Variants in ZCCHC7 observed in about 807,000 individuals in gnomAD.
ZCCHC7 encodes zinc finger CCHC domain-containing protein 7.
Under a neutral mutation model 52.0 loss-of-function variants are expected in ZCCHC7, and 35 were observed. The observed-to-expected ratio is 0.67, with a 90% CI of 0.51 to 0.89. The LOEUF (loss-of-function observed/expected upper bound fraction) is 0.89. Among genes scored for constraint, ZCCHC7 ranks in the 40% least tolerant of loss-of-function variants. The pLI is 0.00. For missense variants in ZCCHC7, 574 were observed against 649.1 expected, an observed-to-expected ratio of 0.88 and a Z score of 1.26; for synonymous variants, 217 against 221.5, an observed-to-expected ratio of 0.98 and a Z score of 0.18.
intron 2 of ZCCHC7, among the ~76,000 whole-genome samples, chr9:37,270,246 G>C (rs1827338447): frequency 6.6e-6 from 1 of 152,044 alleles, no homozygotes; most frequent in African/African-American, 2.4e-5. Context: ...CATTTCTGTT[G>C]GGCAGTGCTG....
intron 6 of ZCCHC7, among the ~76,000 whole-genome samples, chr9:37,337,166 T>C (rs1017676847): frequency 3.9e-5 from 6 of 152,286 alleles, no homozygotes; most frequent in Middle Eastern, 3.4e-3. Context: ...TACTATAATC[T>C]TAAACATAAA....
At chr9:37,206,690 T>G (rs930135734) in intron 2 of ZCCHC7, among the ~76,000 whole-genome samples, 2 of 152,118 alleles carry the variant, frequency 1.3e-5, no homozygotes, top group African/African-American at 4.8e-5. Flanking sequence ...TATTTTTCTC[T>G]GGAAATTGCA....
intron 2 of ZCCHC7, among the ~76,000 whole-genome samples, chr9:37,261,104 G>A (rs1199822613): frequency 1.3e-5 from 2 of 152,122 alleles, no homozygotes; most frequent in Admixed American, 6.5e-5. Flanking sequence ...TTTGGTGGTT[G>A]TTGATACCAT....
At chr9:37,327,690 T>G in intron 5 of ZCCHC7, 109 bp from the exon 6 acceptor site, 1 of 1,189,524 alleles carries the variant, frequency 8.4e-7, no homozygotes, top group East Asian at 2.4e-5. Flanking sequence ...CTGTTAAGCT[T>G]CTTATTTTCC....
chr9:37,327,785 T>C lies in ZCCHC7; in HGVS notation c.952-14T>C. The C allele has an allele frequency of 6.2e-7, 1 of 1,612,934 alleles. No homozygotes were observed. ...GTTTCATGCTCCCAGCTGATCAATA[T>C]TTTTATTTTCCAGGCTTGCACAGAA... On this transcript the variant is annotated splice_polypyrimidine_tract_variant and intron_variant, in intron 5 of 8. Transcript: ENST00000336755.
intron 2 of ZCCHC7, among the ~76,000 whole-genome samples, chr9:37,267,504 C>CA: frequency 6.6e-6 from 1 of 151,670 alleles, no homozygotes; most frequent in African/African-American, 2.4e-5. Flanking sequence ...CTCCCAAGCT[C>CA]AAGTGATCCT....
chr9:37,222,300 C>T (rs1824857455), intron 2 of ZCCHC7, among the ~76,000 whole-genome samples: 1 of 145,820 alleles, frequency 6.9e-6, no homozygotes, highest in Non-Finnish European at 1.5e-5. Flanking sequence ...ATAGAACAGG[C>T]CAAGGGATAA....
Position 37,244,853 on chromosome 9 carries a change from C to T in ZCCHC7, c.611-57335C>T, listed in dbSNP as rs547037857. On this transcript the variant is annotated intron_variant, in intron 2 of 8. Transcript: ENST00000336755. ...GAAGAATGGTGGAGAGCATTTGTTC[C>T]ATTGAATAATTTATAATAGCTAATT... Among the ~76,000 whole-genome samples, 7 of 151,792 alleles carry T rather than the reference C, an allele frequency of 4.6e-5. No homozygotes were observed. The South Asian group carries it at 1.5e-3, about 31-fold the overall frequency.
chr9:37,354,876 CTTTG>C lies in ZCCHC7; in HGVS notation c.1198+58_1198+61del, dbSNP rs775350155. On this transcript the variant is annotated intron_variant, in intron 8 of 8. Coordinates refer to ENST00000336755, the MANE Select transcript of ZCCHC7 (RefSeq NM_032226.3). This position sits in a 1 kb window ranked among gnomAD's most constrained non-coding sequence, Gnocchi z 4.0. The stretch of plus-strand genomic sequence containing the variant: ...CACATTTGCAGTAGTTTCTAAATTT[CTTTG>C]TTTGTACTGTCTTTGCCTGCTTTGG... The C allele has an allele frequency of 2.6e-5, 33 of 1,277,782 alleles. No homozygotes were observed. The highest frequency in any genetic ancestry group is 5.9e-5 in the African/African-American group (4 of 68,080). 79.2% of individuals were successfully genotyped at this position (1,277,782 alleles called of 1,614,324 possible).
At chr9:37,205,627 C>T (rs1022187734) in intron 2 of ZCCHC7, among the ~76,000 whole-genome samples, 1 of 152,232 alleles carries the variant, frequency 6.6e-6, no homozygotes, top group Non-Finnish European at 1.5e-5. Context: ...AGCAATTCTC[C>T]TGCCTCAGCC....
intron 2 of ZCCHC7, among the ~76,000 whole-genome samples, chr9:37,239,824 C>A (rs560233227): frequency 6.6e-6 from 1 of 152,022 alleles, no homozygotes; most frequent in African/African-American, 2.4e-5. Context: ...CTGTGCTTTA[C>A]CTGTATGTTT....
At chr9:37,181,442 A>G (rs924036771) in intron 2 of ZCCHC7, among the ~76,000 whole-genome samples, 1 of 152,222 alleles carries the variant, frequency 6.6e-6, no homozygotes, top group Non-Finnish European at 1.5e-5. Context: ...AGCATTATTC[A>G]TAATAACCAA....
chr9:37,343,556 G>C (rs1479143652), intron 6 of ZCCHC7, among the ~76,000 whole-genome samples: 1 of 152,176 alleles, frequency 6.6e-6, no homozygotes, highest in Non-Finnish European at 1.5e-5. Flanking sequence ...TAAATCATGA[G>C]AACTACCTGT....
intron 2 of ZCCHC7, among the ~76,000 whole-genome samples, chr9:37,137,929 T>G (rs1167936459): frequency 6.6e-6 from 1 of 152,196 alleles, no homozygotes; most frequent in Non-Finnish European, 1.5e-5. Flanking sequence ...AAGAGTGTAT[T>G]GCCATGTGAC....
chr9:37,197,819 T>C (rs957589499), intron 2 of ZCCHC7, among the ~76,000 whole-genome samples: 7 of 152,328 alleles, frequency 4.6e-5, no homozygotes, highest in African/African-American at 1.7e-4. Flanking sequence ...TAAGTGGTTG[T>C]CTCTTTGGCA....
chr9:37,156,123 A>G (rs1346443650), intron 2 of ZCCHC7, among the ~76,000 whole-genome samples: 1 of 152,212 alleles, frequency 6.6e-6, no homozygotes, highest in Admixed American at 6.5e-5. Context: ...GGGATCAGAT[A>G]GGTTTCATTC....
chr9:37,276,199 C>T (rs374739453), intron 2 of ZCCHC7, among the ~76,000 whole-genome samples: 3 of 152,202 alleles, frequency 2.0e-5, no homozygotes, highest in Admixed American at 1.3e-4. Flanking sequence ...CTATTTAAGT[C>T]GTGCTGGAGT....
chr9:37,296,729 C>T (rs1424012527), intron 2 of ZCCHC7, among the ~76,000 whole-genome samples: 1 of 152,180 alleles, frequency 6.6e-6, no homozygotes, highest in Non-Finnish European at 1.5e-5. Flanking sequence ...CGAAGGTTGT[C>T]ATGCGCTGTC....
intron 2 of ZCCHC7, among the ~76,000 whole-genome samples, chr9:37,294,220 A>G (rs1358239539): frequency 6.6e-6 from 1 of 152,206 alleles, no homozygotes; most frequent in African/African-American, 2.4e-5. Flanking sequence ...TGAATGTGGC[A>G]TTGTGTGTAT....
Sources: allele counts gnomAD v4.1 joint callset (sites outside exome capture counted in the v4.1 genomes callset), GRCh38; gene constraint gnomAD v4.1.1; non-coding constraint Gnocchi (gnomAD v3.1); transcripts MANE v1.5; gene names NCBI Gene and HGNC (gene_info 2026-07-23, HGNC 2026-07-21).